SGSM1: variants seen among roughly 807,000 people sequenced by gnomAD.
SGSM1 encodes small G protein signaling modulator 1.
SGSM1 carries 73 observed loss-of-function variants against 133.8 expected under a neutral mutation model. That is an observed-to-expected ratio of 0.55 (90% CI 0.45 to 0.66). The LOEUF is 0.66. Ranked by LOEUF, SGSM1 falls within the 30% of genes least tolerant of loss-of-function variation. The probability of loss-of-function intolerance (pLI) is 0.00; values close to 1 mark genes in which losing one functional copy is unlikely to be tolerated. For missense variants in SGSM1, 1,213 were observed against 1,448.1 expected (o/e 0.84, Z 2.64); for synonymous variants, 563 against 573.0 (o/e 0.98, Z 0.25).
chr22:24,816,578 G>C (rs1928096478), intron 2 of SGSM1, among the ~76,000 whole-genome samples: 2 of 151,976 alleles, frequency 1.3e-5, no homozygotes, highest in Non-Finnish European at 2.9e-5. Context: ...ATCATGCCTG[G>C]CTAATTTTTG....
intron 24 of SGSM1, among the ~76,000 whole-genome samples, chr22:24,920,557 A>G (rs1430795682): frequency 1.3e-5 from 2 of 152,218 alleles, no homozygotes; most frequent in Non-Finnish European, 2.9e-5. Flanking sequence ...GGATTACAGG[A>G]GACAACATGG....
At chr22:24,896,210 G>T (rs1325998007) in intron 18 of SGSM1, among the ~76,000 whole-genome samples, 1 of 152,082 alleles carries the variant, frequency 6.6e-6, no homozygotes, top group East Asian at 1.9e-4. Flanking sequence ...CGAGAGAGGA[G>T]GGGGCAGAGA....
chr22:24,903,192 A>G (rs1350048669), intron 20 of SGSM1, among the ~76,000 whole-genome samples: 1 of 152,048 alleles, frequency 6.6e-6, no homozygotes, highest in Admixed American at 6.6e-5. Context: ...ATATTGTATA[A>G]CATAATATGA....
At chr22:24,879,580 T>A (rs1601948705) in intron 14 of SGSM1, 54 bp downstream of exon 14, 2 of 1,543,258 alleles carry the variant, frequency 1.3e-6, no homozygotes, top group East Asian at 4.5e-5. Flanking sequence ...TATTGGTGCC[T>A]GCTGTATGCC....
rs1226702622 is a variant in SGSM1, at chr22:24,924,502, C to T, written c.*228C>T. The stretch of plus-strand genomic sequence containing the variant: ...ATTTTCCTGTTTGACCAAAGATTGC[C>T]CAAGTCTGGCGTTCCTCCCTTGCAG... On this transcript the variant is annotated 3_prime_UTR_variant, in exon 25 of 25. Coordinates refer to ENST00000400358, the MANE Select transcript of SGSM1 (RefSeq NM_001098497.3). 1 of 536,112 alleles carries T rather than the reference C, an allele frequency of 1.9e-6. No homozygotes were observed. The highest frequency in any genetic ancestry group is 1.9e-5 in the African/African-American group (1 of 52,616). 33.2% of individuals were successfully genotyped at this position (536,112 alleles called of 1,614,324 possible).
At chr22:24,860,909 AAAAAAAAAAAAAAAT>A (rs1374437928) in intron 9 of SGSM1, among the ~76,000 whole-genome samples, 25 of 107,340 alleles carry the variant, frequency 2.3e-4, no homozygotes, top group African/African-American at 1.1e-3. Flanking sequence ...AAAAAAAAAA[AAAAAAAAAAAAAAAT>A]ATATATATAT....
chr22:24,911,971 C>T (rs1358260398), intron 21 of SGSM1, among the ~76,000 whole-genome samples: 3 of 151,128 alleles, frequency 2.0e-5, no homozygotes, highest in Non-Finnish European at 2.9e-5. Flanking sequence ...AGGAGAATGG[C>T]GTGAACCTGG....
intron 2 of SGSM1, among the ~76,000 whole-genome samples, chr22:24,836,823 C>T (rs1482779735): frequency 6.6e-6 from 1 of 152,148 alleles, no homozygotes; most frequent in African/African-American, 2.4e-5. Context: ...GGACATTAAC[C>T]CTTTATCACA....
chr22:24,884,264 A>G, intron 15 of SGSM1, 66 bp downstream of exon 15: 1 of 1,537,020 alleles, frequency 6.5e-7, no homozygotes, highest in Non-Finnish European at 8.8e-7. Flanking sequence ...TTATTATCTG[A>G]GAAATAAGCC....
intron 2 of SGSM1, among the ~76,000 whole-genome samples, chr22:24,831,872 G>A (rs1201287736): frequency 6.6e-6 from 1 of 152,228 alleles, no homozygotes; most frequent in Non-Finnish European, 1.5e-5. Context: ...CATCAGTGTT[G>A]TTACCCTCCA....
At chr22:24,878,320 G>A (rs1319009273) in intron 13 of SGSM1, among the ~76,000 whole-genome samples, 1 of 152,170 alleles carries the variant, frequency 6.6e-6, no homozygotes, top group Non-Finnish European at 1.5e-5. Context: ...TCCTGTTGTA[G>A]CATCTGCTTA....
rs1159884612 is a variant in SGSM1, at chr22:24,806,499, G to C, written c.63+15G>C. The C allele has an allele frequency of 6.6e-7, 1 of 1,505,612 alleles. No homozygotes were observed. The highest frequency in any genetic ancestry group is 2.9e-5 in the East Asian group (1 of 34,984). 93.3% of individuals were successfully genotyped at this position (1,505,612 alleles called of 1,614,324 possible). A position where few individuals can be genotyped will look rare whatever the true frequency, so the allele number is the denominator to read the frequency against. On this transcript the variant is annotated intron_variant, in intron 2 of 24. Transcript: ENST00000400358. The stretch of plus-strand genomic sequence containing the variant: ...TCAAGAAGGAGGTGGGTGCCGGGGT[G>C]GGGGCACTGGGCAGGACTCCCCCGG...
intron 18 of SGSM1, 79 bp from the exon 19 acceptor site, chr22:24,897,893 T>C (rs1932962640): frequency 7.9e-7 from 1 of 1,259,798 alleles, no homozygotes; most frequent in Non-Finnish European, 1.1e-6. Flanking sequence ...TCACCTGTTG[T>C]TGGATGTTTA....
At chr22:24,888,929 C>T (rs1932752240) in intron 16 of SGSM1, among the ~76,000 whole-genome samples, 1 of 139,394 alleles carries the variant, frequency 7.2e-6, no homozygotes, top group African/African-American at 2.7e-5. Context: ...TAAATGTTTT[C>T]ATAGTCACCT....
rs1468797444 is a variant in SGSM1 at position 24,815,930 on chromosome 22, A to G, written c.63+9446A>G. Among the ~76,000 whole-genome samples the G allele has an allele frequency of 2.0e-5, 3 of 152,116 alleles. No homozygotes were observed. In the South Asian group the frequency reaches 6.2e-4, roughly 32 times the overall value. On this transcript the variant is annotated intron_variant, in intron 2 of 24. Coordinates refer to ENST00000400358, the MANE Select transcript of SGSM1 (RefSeq NM_001098497.3). ...TGAGAAAGGAACTCAGATAAGACAAATGTAACTTTCTGGAGTTTTAAAACT... is the reference window on the plus strand; with the variant it reads ...TGAGAAAGGAACTCAGATAAGACAAGTGTAACTTTCTGGAGTTTTAAAACT...
chr22:24,835,715 G>A (rs1929387758), intron 2 of SGSM1, among the ~76,000 whole-genome samples: 1 of 151,976 alleles, frequency 6.6e-6, no homozygotes, highest in South Asian at 2.1e-4. Flanking sequence ...CACGGAGCTG[G>A]GCAAGCAGCA....
chr22:24,882,242 A>AT lies in SGSM1; in HGVS notation c.1496-1803dup, dbSNP rs202028860. Among the ~76,000 whole-genome samples the AT allele has an allele frequency of 8.3e-3, 1,256 of 151,300 alleles. 18 individuals carry two copies. Among genetic ancestry groups the AT allele is most frequent in the African/African-American group, 0.025 (1,013 of 41,254 alleles). ...CCAGTATGCCTGGCTAGTTTTTTGT[A>AT]TTTTTTTTGTAGAGATGTGGTCTCA... On this transcript the variant is annotated intron_variant, in intron 14 of 24. Coordinates refer to ENST00000400358, the MANE Select transcript of SGSM1 (RefSeq NM_001098497.3).
chr22:24,886,840 G>A lies in SGSM1; in HGVS notation c.1770+112G>A, dbSNP rs796459495. 6 of 1,338,468 alleles carry A rather than the reference G, an allele frequency of 4.5e-6. No homozygotes were observed. In the African/African-American group the frequency reaches 8.8e-5, roughly 20 times the overall value. The allele number at this position is 1,338,468 out of a possible 1,614,324, so 82.9% of individuals were successfully genotyped here. On this transcript the variant is annotated intron_variant, in intron 16 of 24. Coordinates refer to ENST00000400358, the MANE Select transcript of SGSM1 (RefSeq NM_001098497.3). Reference sequence around the variant, plus strand: ...ACCAAGGAAGGGGAGGGAGATACGGGGAAGATGGGAACCTGAAGGCGGCGC... The same window carrying A: ...ACCAAGGAAGGGGAGGGAGATACGGAGAAGATGGGAACCTGAAGGCGGCGC...
rs936949713 is a variant in SGSM1, at chr22:24,924,996, A to G, written c.*722A>G. ...CACTGGCTTGGAGAAGGGACTACAA[A>G]TGTACTTCCTCCCCCATTCTTTTGA... On this transcript the variant is annotated 3_prime_UTR_variant, in exon 25 of 25. Transcript: ENST00000400358. 1 of 152,222 alleles carries G rather than the reference A, an allele frequency of 6.6e-6. No individual in the cohort carries two copies. Among genetic ancestry groups the G allele is most frequent in the African/African-American group, 2.4e-5 (1 of 41,422 alleles). 9.4% of individuals were successfully genotyped at this position (152,222 alleles called of 1,614,324 possible).
Sources: allele counts gnomAD v4.1 joint callset (sites outside exome capture counted in the v4.1 genomes callset), GRCh38; gene constraint gnomAD v4.1.1; transcripts MANE v1.5; gene names NCBI Gene and HGNC (gene_info 2026-07-23, HGNC 2026-07-21).